The following CNOT1 variants were observed in gnomAD, a reference collection of about 807,000 sequenced individuals.
CNOT1 encodes CCR4-associated factor 1.
In CNOT1, 15 loss-of-function variants were observed where a neutral mutation model predicts 273.8. The observed-to-expected ratio is 0.05, with a 90% CI of 0.04 to 0.08. CNOT1 has a LOEUF of 0.08. Among genes scored for constraint, CNOT1 ranks in the 10% least tolerant of loss-of-function variants. CNOT1 has a pLI of 1.00. For synonymous variants in CNOT1, 1,022 were observed against 1,005.5 expected, an observed-to-expected ratio of 1.02 and a Z score of -0.31; for missense variants, 1,644 against 2,912.2, an observed-to-expected ratio of 0.56 and a Z score of 10.02.
intron 1 of CNOT1, among the ~76,000 whole-genome samples, chr16:58,609,687 T>C (rs2042821395): frequency 1.3e-5 from 2 of 152,028 alleles, no homozygotes; most frequent in African/African-American, 4.8e-5. Flanking sequence ...GGTCTGGAAC[T>C]CCTGAGCTCA....
intron 1 of CNOT1, among the ~76,000 whole-genome samples, chr16:58,617,848 C>G (rs772803174): frequency 1.1e-4 from 16 of 152,124 alleles, no homozygotes; most frequent in Non-Finnish European, 1.9e-4. Flanking sequence ...TCTACAACTA[C>G]AACAATAAAA....
chr16:58,552,297 A>G (rs887334536), intron 22 of CNOT1, among the ~76,000 whole-genome samples: 2 of 152,074 alleles, frequency 1.3e-5, no homozygotes, highest in Non-Finnish European at 2.9e-5. Context: ...AAGGATCCTG[A>G]AGCTATTTCA....
At chr16:58,577,224 C>T (rs2151968561) in intron 13 of CNOT1, among the ~76,000 whole-genome samples, 1 of 152,200 alleles carries the variant, frequency 6.6e-6, no homozygotes, top group East Asian at 1.9e-4. Flanking sequence ...TAAGTAATAT[C>T]CCAGTTAATT....
intron 12 of CNOT1, 68 bp downstream of exon 12, chr16:58,580,564 TA>T: frequency 6.5e-7 from 1 of 1,548,050 alleles, no homozygotes; most frequent in Non-Finnish European, 8.7e-7. Flanking sequence ...GTACTTGGCT[TA>T]CTATTAACTT....
chr16:58,596,583 T>C (rs1032985007), intron 2 of CNOT1, among the ~76,000 whole-genome samples: 14 of 152,046 alleles, frequency 9.2e-5, no homozygotes, highest in Admixed American at 8.5e-4. Flanking sequence ...GGCAAAGGTA[T>C]ACATACTAAA....
chr16:58,573,031 G>C (rs2041332939), intron 16 of CNOT1, among the ~76,000 whole-genome samples: 1 of 151,878 alleles, frequency 6.6e-6, no homozygotes, highest in Non-Finnish European at 1.5e-5. Context: ...AAGAGGCCAG[G>C]CGTAGTGGTT....
rs754023932 is a variant in CNOT1 at position 58,551,283 on chromosome 16, A to T, written c.3202-11T>A. On this transcript the variant is annotated splice_polypyrimidine_tract_variant and intron_variant, in intron 23 of 48. Coordinates refer to ENST00000317147, the MANE Select transcript of CNOT1 (RefSeq NM_016284.5). ...AGTATTAATAGAAGGCTAAAAAAAA[A>T]AAATAAAGTACATAAGGCAAATAAG... 5.1e-6 allele frequency: 8 copies of T among 1,562,724 alleles called. No homozygotes were observed. Among genetic ancestry groups the T allele is most frequent in the South Asian group, 4.9e-5 (4 of 82,232 alleles).
chr16:58,590,596 A>C (rs76958471), intron 2 of CNOT1, among the ~76,000 whole-genome samples: 7 of 140,120 alleles, frequency 5.0e-5, no homozygotes, highest in South Asian at 2.2e-4. Context: ...CTCTGTCTCC[A>C]AAAAAAAAAA....
At chr16:58,535,977 G>A (rs918174167) in intron 39 of CNOT1, among the ~76,000 whole-genome samples, 16 of 152,004 alleles carry the variant, frequency 1.1e-4, no homozygotes, top group Non-Finnish European at 1.6e-4. Context: ...CTCGTGATCC[G>A]CCTGCCTCGG....
In CNOT1 at chr16:58,603,541, T is replaced by C. The variant is rs1291333017; in HGVS notation, c.-174-4030A>G. Among the ~76,000 whole-genome samples the C allele has an allele frequency of 2.0e-5, 3 of 151,774 alleles. No homozygotes were observed. In the South Asian group the frequency reaches 6.2e-4, roughly 32 times the overall value. On this transcript the variant is annotated intron_variant, in intron 1 of 48. Transcript: ENST00000317147. The stretch of plus-strand genomic sequence containing the variant: ...GAAAGAAGCCGAAGTCTTTAAAATG[T>C]CCAATAAACAAACAATGGTTAGGTT...
chr16:58,540,163 G>A lies in CNOT1; in HGVS notation c.4801-204C>T, dbSNP rs532784221. On this transcript the variant is annotated intron_variant, in intron 34 of 48. Coordinates refer to ENST00000317147, the MANE Select transcript of CNOT1 (RefSeq NM_016284.5). ...GTGGCACAGTACAAGGCAGGCATAA[G>A]GGAAGAGGTGTTTCATTTGAGAGAG... 4 of 452,464 alleles carry A rather than the reference G, an allele frequency of 8.8e-6. No individual in the cohort carries two copies. In the Admixed American group the frequency reaches 1.1e-4, roughly 13 times the overall value. 28.0% of individuals were successfully genotyped at this position (452,464 alleles called of 1,614,324 possible).
chr16:58,543,994 A>G, intron 30 of CNOT1, 91 bp from the exon 31 acceptor site: 14 of 1,468,064 alleles, frequency 9.5e-6, no homozygotes, highest in Non-Finnish European at 1.1e-5. Context: ...TTGTAAATCA[A>G]GATTAACCAA....
At chr16:58,620,398 T>C (rs182618405) in intron 1 of CNOT1, among the ~76,000 whole-genome samples, 1 of 152,194 alleles carries the variant, frequency 6.6e-6, no homozygotes, top group Non-Finnish European at 1.5e-5. Context: ...CCCAACACTT[T>C]GGGAGGCCGA....
At chr16:58,560,502 A>G in intron 16 of CNOT1, 140 bp from the exon 17 acceptor site, 5 of 1,392,938 alleles carry the variant, frequency 3.6e-6, no homozygotes, top group Non-Finnish European at 4.7e-6. Context: ...GCACGATATC[A>G]ATTCACTGCA....
At chr16:58,562,190 A>C (rs1235312063) in intron 16 of CNOT1, among the ~76,000 whole-genome samples, 2 of 151,770 alleles carry the variant, frequency 1.3e-5, no homozygotes, top group African/African-American at 4.8e-5. Context: ...GTATCAAAAA[A>C]AAAAAAAGAG....
chr16:58,530,135 G>A (rs2039733910), intron 43 of CNOT1, 111 bp downstream of exon 43: 4 of 732,542 alleles, frequency 5.5e-6, no homozygotes, highest in Non-Finnish European at 6.6e-6. Flanking sequence ...TTTTCTGAAT[G>A]TATATCATGC....
chr16:58,520,631 GGTACCAGTTTAT>G lies in CNOT1; in HGVS notation c.*315_*326del. On this transcript the variant is annotated 3_prime_UTR_variant, in exon 49 of 49. Transcript: ENST00000317147. ...GGCATCAGCTGCCTCTTCATTACAAGGTACCAGTTTATGTACTTGCCTTGGACACAGCTTGCA... is the reference window on the plus strand; with the variant it reads ...GGCATCAGCTGCCTCTTCATTACAAGGTACTTGCCTTGGACACAGCTTGCA... 6.6e-6 allele frequency: 2 copies of G among 300,804 alleles called. No homozygotes were observed. The highest frequency in any genetic ancestry group is 1.3e-5 in the Non-Finnish European group (2 of 157,740). The allele number at this position is 300,804 out of a possible 1,614,324, so 18.6% of individuals were successfully genotyped here. A position where few individuals can be genotyped will look rare whatever the true frequency, so the allele number is the denominator to read the frequency against.
rs919522879 is a variant in CNOT1 at position 58,543,192 on chromosome 16, G to A, written c.4434+415C>T. 7 of 1,484,252 alleles carry A rather than the reference G, an allele frequency of 4.7e-6. No homozygotes were observed. The African/African-American group carries it at 9.8e-5, about 21-fold the overall frequency. The allele number at this position is 1,484,252 out of a possible 1,614,324, so 91.9% of individuals were successfully genotyped here. ...ACCTGAATTATTAACCATGATATCTGAGACTCAAAACTAGTAAGTGAATTA... is the reference window on the plus strand; with the variant it reads ...ACCTGAATTATTAACCATGATATCTAAGACTCAAAACTAGTAAGTGAATTA... On this transcript the variant is annotated intron_variant, in intron 31 of 48. Transcript: ENST00000317147.
intron 30 of CNOT1, 99 bp from the exon 31 acceptor site, chr16:58,544,002 C>T (rs974004024): frequency 1.6e-4 from 230 of 1,453,200 alleles, no homozygotes; most frequent in Non-Finnish European, 2.0e-4. Flanking sequence ...CAAGATTAAC[C>T]AAAAACTACC....
Sources: allele counts gnomAD v4.1 joint callset (sites outside exome capture counted in the v4.1 genomes callset), GRCh38; gene constraint gnomAD v4.1.1; transcripts MANE v1.5; gene names NCBI Gene and HGNC (gene_info 2026-07-23, HGNC 2026-07-21).